The following ZNF527 variants were observed in gnomAD, a reference collection of about 807,000 sequenced individuals.
ZNF527 encodes the protein zinc finger protein 527.
In ZNF527, 5 loss-of-function variants were observed where a neutral mutation model predicts 13.5. That is an observed-to-expected ratio of 0.37 (90% CI 0.19 to 0.78). ZNF527 has a LOEUF of 0.78. Ranked by LOEUF, ZNF527 falls within the 30% of genes least tolerant of loss-of-function variation. The pLI is 0.48. For synonymous variants in ZNF527, 209 were observed against 243.1 expected, an observed-to-expected ratio of 0.86 and a Z score of 1.30; for missense variants, 628 against 726.4, an observed-to-expected ratio of 0.86 and a Z score of 1.56.
chr19:37,380,122 C>A, intron 3 of ZNF527, 155 bp from the exon 4 acceptor site: 2 of 1,376,710 alleles, frequency 1.5e-6, no homozygotes, highest in Non-Finnish European at 1.9e-6. Flanking sequence ...CTCATCCATA[C>A]AAGCGTCATT....
Position 37,389,326 on chromosome 19 carries a change from G to A in ZNF527, c.1277G>A (p.Arg426His), listed in dbSNP as rs769437217. 8.7e-6 allele frequency: 14 copies of A among 1,613,896 alleles called. No individual in the cohort carries two copies. The highest frequency in any genetic ancestry group is 4.0e-5 in the African/African-American group (3 of 74,882). ...CNQCGKAFSR[R>H]IALTLHQRIH... ...CAGTGTGGAAAAGCCTTCAGCAGAC[G>A]CATAGCCCTTACTCTACATCAAAGA... The change falls in exon 5 of 5, where the codon CGC (arginine) becomes CAC (histidine). Residue 426 changes from arginine to histidine, a missense_variant. By Grantham distance (29) the Arg-to-His change is conservative. Around this residue, in one of 3 missense-constraint regions of ZNF527, gnomAD observed 592 missense variants for 678.0 expected, o/e 0.87. Coordinates refer to ENST00000436120, the MANE Select transcript of ZNF527 (RefSeq NM_032453.2).
At position 37,389,606 on chromosome 19, in the gene ZNF527, T is replaced by G. The variant is rs904647430; in HGVS notation, c.1557T>G (p.Ser519Arg). Residue 519 changes from serine (S) to arginine (R), a missense_variant, in exon 5 of 5, where the codon AGT (serine) becomes AGG (arginine). Physicochemically the swap from Ser to Arg is moderately radical, Grantham distance 110. Around this residue, in one of 3 missense-constraint regions of ZNF527, gnomAD observed 592 missense variants for 678.0 expected, o/e 0.87. Coordinates refer to ENST00000436120, the MANE Select transcript of ZNF527 (RefSeq NM_032453.2). ...DALVLIHHKR[S>R]HAGEKPYECN... ...TAGTTCTAATTCACCATAAGAGAAG[T>G]CATGCAGGAGAGAAACCCTATGAAT... The G allele has an allele frequency of 6.2e-7, 1 of 1,614,098 alleles. No individual in the cohort carries two copies. The highest frequency in any genetic ancestry group is 1.7e-5 in the Admixed American group (1 of 60,008).
intron 2 of ZNF527, among the ~76,000 whole-genome samples, chr19:37,375,310 CT>C (rs370921705): frequency 0.068 from 3,721 of 55,070 alleles, 108 homozygotes; most frequent in African/African-American, 0.16. Flanking sequence ...TTCTTTCTTT[CT>C]TTTCTTTCTT....
intron 4 of ZNF527, among the ~76,000 whole-genome samples, chr19:37,383,729 G>A (rs1001484245): frequency 2.0e-4 from 30 of 151,866 alleles, no homozygotes; most frequent in Admixed American, 1.0e-3. Context: ...AGTAGAGACC[G>A]GGTTTCACCA....
intron 1 of ZNF527, among the ~76,000 whole-genome samples, chr19:37,372,856 G>C (rs2040570132): frequency 6.6e-6 from 1 of 152,116 alleles, no homozygotes; most frequent in Non-Finnish European, 1.5e-5. Context: ...TGTTGCTTTA[G>C]TATTAAAATT....
rs556108119 is a variant in ZNF527, at chr19:37,371,169, A to T, written c.-99A>T. 9 of 152,212 alleles carry T rather than the reference A, an allele frequency of 5.9e-5. No homozygotes were observed. Among genetic ancestry groups the T allele is most frequent in the Admixed American group, 4.6e-4 (7 of 15,246 alleles). 9.4% of individuals were successfully genotyped at this position (152,212 alleles called of 1,614,324 possible). ...GCTCCTCCTCGCGGAGGATTCTGGG[A>T]GGTGACGTCGCGGGTCTCGGTCGCG... On this transcript the variant is annotated 5_prime_UTR_variant, in exon 1 of 5. Coordinates refer to ENST00000436120, the MANE Select transcript of ZNF527 (RefSeq NM_032453.2).
chr19:37,372,544 C>T (rs1205023404), intron 1 of ZNF527, among the ~76,000 whole-genome samples: 7 of 138,940 alleles, frequency 5.0e-5, no homozygotes, highest in Non-Finnish European at 1.1e-4. Flanking sequence ...GCAATCTCGG[C>T]TCACAGCACC....
chr19:37,381,150 C>T (rs1194317686), intron 4 of ZNF527, among the ~76,000 whole-genome samples: 1 of 152,150 alleles, frequency 6.6e-6, no homozygotes, highest in African/African-American at 2.4e-5. Context: ...TGGCAAGTTA[C>T]TTTTTCTCTA....
chr19:37,373,794 G>A (rs1600261490), intron 1 of ZNF527, among the ~76,000 whole-genome samples: 1 of 152,190 alleles, frequency 6.6e-6, no homozygotes, highest in African/African-American at 2.4e-5. Flanking sequence ...CAACCCTGAA[G>A]AAGGGGTGTA....
chr19:37,385,661 T>C (rs953922316), intron 4 of ZNF527: 1 of 263,458 alleles, frequency 3.8e-6, no homozygotes, highest in African/African-American at 2.2e-5. Context: ...TGATGTAAAT[T>C]AACCTGTGGT....
At chr19:37,382,377 T>G (rs1000768911) in intron 4 of ZNF527, among the ~76,000 whole-genome samples, 2 of 152,180 alleles carry the variant, frequency 1.3e-5, no homozygotes, top group African/African-American at 4.8e-5. Context: ...TTTTTTCCCA[T>G]TTTTTATTAC....
At position 37,375,311 on chromosome 19, in the gene ZNF527, T is replaced by TTTCCTTTC. The variant is rs760003304; in HGVS notation, c.33+1082_33+1083insCCTTTCTT. Among the ~76,000 whole-genome samples, 12 of 79,838 alleles carry TTTCCTTTC rather than the reference T, an allele frequency of 1.5e-4. 1 individual carries two copies. The highest frequency in any genetic ancestry group is 6.7e-4 in the African/African-American group (12 of 17,798). 52.4% of individuals were successfully genotyped at this position (79,838 alleles called of 152,430 possible). ...CTTTCTTTCTTTCTTTCTTTCTTTC[T>TTTCCTTTC]TTTCTTTCTTTCTTTCTTTCTTTCT... is the stretch of plus-strand genomic sequence containing the variant. On this transcript the variant is annotated intron_variant, in intron 2 of 4. Coordinates refer to ENST00000436120, the MANE Select transcript of ZNF527 (RefSeq NM_032453.2).
In ZNF527 at chr19:37,389,402, T is replaced by C; in HGVS notation, c.1353T>C (p.Phe451=). Residue 451 remains phenylalanine (F), a synonymous_variant, in exon 5 of 5, where the codon TTT becomes TTC. Coordinates refer to ENST00000436120, the MANE Select transcript of ZNF527 (RefSeq NM_032453.2). ...AATGTAGTGAATGTGGGAAGACCTTTGGCTATCGCTCACACCTGAATCAAC... is the reference window on the plus strand; with the variant it reads ...AATGTAGTGAATGTGGGAAGACCTTCGGCTATCGCTCACACCTGAATCAAC... The part of the protein sequence containing the change: ...PFKCSECGKT[F]GYRSHLNQHQ... The C allele has an allele frequency of 6.2e-7, 1 of 1,614,100 alleles. No individual in the cohort carries two copies.
At chr19:37,384,767 T>A in intron 4 of ZNF527, 1 of 522,890 alleles carries the variant, frequency 1.9e-6, no homozygotes. Context: ...AATTTACTAG[T>A]GATATTATTG....
chr19:37,382,944 A>T (rs2040666373), intron 4 of ZNF527, among the ~76,000 whole-genome samples: 3 of 151,996 alleles, frequency 2.0e-5, no homozygotes, highest in Admixed American at 6.6e-5. Context: ...TGACCTCGTG[A>T]TCCGTGCCAG....
chr19:37,377,236 C>T (rs2040615620), intron 2 of ZNF527, among the ~76,000 whole-genome samples: 1 of 152,084 alleles, frequency 6.6e-6, no homozygotes, highest in Middle Eastern at 3.4e-3. Flanking sequence ...GGGAGAGAGG[C>T]GAAAATGTCT....
chr19:37,376,345 G>A (rs1023667111), intron 2 of ZNF527, among the ~76,000 whole-genome samples: 1 of 151,712 alleles, frequency 6.6e-6, no homozygotes, highest in Non-Finnish European at 1.5e-5. Context: ...GAAACAGAGT[G>A]AGACCCTGTC....
In ZNF527 at chr19:37,388,791, A is replaced by T. The variant is rs747088566; in HGVS notation, c.742A>T (p.Ser248Cys). The change falls in exon 5 of 5, where the codon AGT becomes TGT. Residue 248 changes from serine to cysteine, a missense_variant. This residue lies in a region of ZNF527 where 592 missense variants were observed against 678.0 expected (regional missense o/e 0.87). Coordinates refer to ENST00000436120, the MANE Select transcript of ZNF527 (RefSeq NM_032453.2). The stretch of plus-strand genomic sequence containing the variant: ...TCCTCCTGGGGAGAAACCTTATGAA[A>T]GTCATGATTTTTCAAAGCTCTTAAG... ...GIPPGEKPYE[S>C]HDFSKLLSFH... is the part of the protein sequence containing the mutation. 6.2e-7 allele frequency: 1 copy of T among 1,612,982 alleles called. No homozygotes were observed. Among genetic ancestry groups the T allele is most frequent in the East Asian group, 2.2e-5 (1 of 44,876 alleles).
chr19:37,372,596 C>A (rs2040568462), intron 1 of ZNF527, among the ~76,000 whole-genome samples: 1 of 151,200 alleles, frequency 6.6e-6, no homozygotes. Context: ...CCTCAGCCTC[C>A]CAAGTAGCTG....
Sources: gnomAD v4.1 joint callset for allele counts (sites outside exome capture counted in the v4.1 genomes callset) on GRCh38, gnomAD v4.1.1 for gene constraint, gnomAD v4.1.1 regional missense constraint, MANE v1.5 for transcripts, NCBI Gene and HGNC (gene_info 2026-07-23, HGNC 2026-07-21) for gene names.